Variants in SMYD3 observed in about 807,000 individuals in gnomAD.
The protein encoded by SMYD3 is SET and MYND domain containing 3, also known as histone-lysine N-methyltransferase SMYD3.
SMYD3 carries 36 observed loss-of-function variants against 57.7 expected under a neutral mutation model. That is an observed-to-expected ratio of 0.62 (90% CI 0.48 to 0.82). The LOEUF (loss-of-function observed/expected upper bound fraction) is 0.82, where lower values mean the gene tolerates loss of function less well. Ranked by LOEUF, SMYD3 falls within the 40% of genes least tolerant of loss-of-function variation. SMYD3 has a pLI of 0.00. For synonymous variants in SMYD3, 211 were observed against 195.0 expected, an observed-to-expected ratio of 1.08 and a Z score of -0.68; for missense variants, 515 against 538.8, an observed-to-expected ratio of 0.96 and a Z score of 0.44.
intron 10 of SMYD3, among the ~76,000 whole-genome samples, chr1:245,829,589 T>C (rs2049716660): frequency 6.6e-6 from 1 of 152,188 alleles, no homozygotes. Flanking sequence ...TGGCAGTTCC[T>C]CAAAATATTA....
intron 5 of SMYD3, among the ~76,000 whole-genome samples, chr1:246,263,089 G>T (rs1037441323): frequency 4.6e-5 from 7 of 152,164 alleles, no homozygotes; most frequent in Admixed American, 3.9e-4. Context: ...GTTGGTACAT[G>T]TACTCAAGGC....
Position 245,907,340 on chromosome 1 carries a change from C to T in SMYD3, c.813+8190G>A, listed in dbSNP as rs2054638311. 2.0e-5 allele frequency among the ~76,000 whole-genome samples: 3 copies of T among 152,014 alleles called. No homozygotes were observed. In the South Asian group the frequency reaches 6.2e-4, roughly 32 times the overall value. ...ATCTCATGTACTCCATAAATATATG[C>T]CCCTACTATGTACCCACAAATTTTT... is the stretch of plus-strand genomic sequence containing the variant. On this transcript the variant is annotated intron_variant, in intron 8 of 11. Coordinates refer to ENST00000490107, the MANE Select transcript of SMYD3 (RefSeq NM_001167740.2).
chr1:246,174,811 T>G (rs550104722), intron 5 of SMYD3, among the ~76,000 whole-genome samples: 2 of 152,340 alleles, frequency 1.3e-5, no homozygotes, highest in African/African-American at 4.8e-5. Context: ...AATTATTAGT[T>G]ATAATATATC....
intron 5 of SMYD3, among the ~76,000 whole-genome samples, chr1:246,136,388 T>C (rs2061665755): frequency 6.6e-6 from 1 of 152,194 alleles, no homozygotes; most frequent in Non-Finnish European, 1.5e-5. Flanking sequence ...AGACACCTCA[T>C]GGAGGAGCCC....
chr1:245,978,105 AGTG>A (rs2148057417), intron 5 of SMYD3, among the ~76,000 whole-genome samples: 1 of 152,324 alleles, frequency 6.6e-6, no homozygotes, highest in East Asian at 1.9e-4. Context: ...GTAGGAGCTG[AGTG>A]AACATGGGCA....
At chr1:246,470,374 T>C (rs1193952354) in intron 1 of SMYD3, among the ~76,000 whole-genome samples, 1 of 151,890 alleles carries the variant, frequency 6.6e-6, no homozygotes, top group African/African-American at 2.4e-5. Context: ...CACACACGTG[T>C]AATCCCAGCT....
chr1:245,816,231 G>C (rs759833737), intron 10 of SMYD3, among the ~76,000 whole-genome samples: 6 of 152,146 alleles, frequency 3.9e-5, no homozygotes, highest in African/African-American at 9.7e-5. Flanking sequence ...CTACTCAGAA[G>C]AGAAAATCAA....
At chr1:246,470,579 C>CACACACACTATACATTGTGTATATAT (rs2067947763) in intron 1 of SMYD3, among the ~76,000 whole-genome samples, 3 of 148,262 alleles carry the variant, frequency 2.0e-5, no homozygotes, top group Non-Finnish European at 4.5e-5. Flanking sequence ...TATATATATA[C>CACACACACTATACATTGTGTATATAT]ACACACACTA....
At chr1:246,131,038 G>A (rs1202266916) in intron 5 of SMYD3, among the ~76,000 whole-genome samples, 1 of 152,070 alleles carries the variant, frequency 6.6e-6, no homozygotes, top group East Asian at 1.9e-4. Flanking sequence ...ATGGGCTCAG[G>A]AACCTTCCTT....
In SMYD3 at chr1:246,507,067, G is replaced by A. The variant is rs1047226031; in HGVS notation, c.151C>T (p.Arg51Cys). The A allele has an allele frequency of 6.6e-7, 1 of 1,512,524 alleles. No homozygotes were observed. 93.7% of individuals were successfully genotyped at this position (1,512,524 alleles called of 1,614,324 possible). The change falls in exon 1 of 12, where the codon CGC becomes TGC. Residue 51 changes from arginine (R) to cysteine (C), a missense_variant. Physicochemically the swap from Arg to Cys is radical, Grantham distance 180. Transcript: ENST00000490107. ...CTCCTTACGCACCCGAGAAGGCAGC[G>A]GTCGCAGACGACGCCACGACTCCCC... Reference protein sequence around the residue: ...CKGSRGVVCDRCLLGKEKLMR... With the variant: ...CKGSRGVVCDCCLLGKEKLMR...
intron 1 of SMYD3, 70 bp downstream of exon 1, chr1:246,506,984 C>CCCCCCCCCCCCCCCCCCCCCCA: frequency 1.2e-6 from 1 of 827,010 alleles, no homozygotes. Flanking sequence ...TGCCGGCCGC[C>CCCCCCCCCCCCCCCCCCCCCCA]CGACGCCCCC....
chr1:246,401,674 T>C (rs1394293645), intron 1 of SMYD3, among the ~76,000 whole-genome samples: 3 of 151,060 alleles, frequency 2.0e-5, no homozygotes, highest in Non-Finnish European at 4.4e-5. Context: ...AATAATCATA[T>C]AAAGTTCTAA....
chr1:245,823,429 T>C (rs940275040), intron 10 of SMYD3, among the ~76,000 whole-genome samples: 3 of 152,132 alleles, frequency 2.0e-5, no homozygotes, highest in African/African-American at 7.2e-5. Context: ...GGCGATGAAA[T>C]GAAAGAAGGG....
At chr1:246,030,006 CTTTTTTT>C (rs58066934) in intron 5 of SMYD3, among the ~76,000 whole-genome samples, 3 of 135,112 alleles carry the variant, frequency 2.2e-5, no homozygotes, top group Non-Finnish European at 3.3e-5. Flanking sequence ...TTCTTTCTTT[CTTTTTTT>C]TTTTTTTTTT....
At chr1:246,394,472 C>T (rs145312503) in intron 1 of SMYD3, among the ~76,000 whole-genome samples, 3 of 152,228 alleles carry the variant, frequency 2.0e-5, no homozygotes, top group East Asian at 1.9e-4. Context: ...TGGCAGAGGC[C>T]GAACCTTAAT....
chr1:245,944,272 G>A (rs370451737), intron 5 of SMYD3, among the ~76,000 whole-genome samples: 1 of 152,062 alleles, frequency 6.6e-6, no homozygotes, highest in Non-Finnish European at 1.5e-5. Flanking sequence ...TTCTTAAGCT[G>A]ATGAGCAACT....
intron 5 of SMYD3, among the ~76,000 whole-genome samples, chr1:246,289,999 T>C (rs1200995159): frequency 6.6e-6 from 1 of 152,114 alleles, no homozygotes; most frequent in Non-Finnish European, 1.5e-5. Flanking sequence ...AATCAGAAAG[T>C]ACACAGATCT....
At chr1:245,905,758 C>T (rs754295723) in intron 8 of SMYD3, among the ~76,000 whole-genome samples, 14 of 152,056 alleles carry the variant, frequency 9.2e-5, no homozygotes, top group South Asian at 2.1e-4. Context: ...AGGTCTTGGG[C>T]GAGACCCAGC....
At chr1:245,905,568 G>T (rs146529634) in intron 8 of SMYD3, among the ~76,000 whole-genome samples, 27 of 152,346 alleles carry the variant, frequency 1.8e-4, no homozygotes, top group African/African-American at 6.5e-4. Context: ...TAATACAAAA[G>T]AATACCAGGT....
Sources: allele counts gnomAD v4.1 joint callset (sites outside exome capture counted in the v4.1 genomes callset), GRCh38; gene constraint gnomAD v4.1.1; transcripts MANE v1.5; gene names NCBI Gene and HGNC (gene_info 2026-07-23, HGNC 2026-07-21).